NKX2-6: variants seen among roughly 807,000 people sequenced by gnomAD.
NKX2-6 encodes NK2 homeobox 6.
NKX2-6 carries 8 observed loss-of-function variants against 8.6 expected under a neutral mutation model. The ratio of observed to expected loss-of-function variants is 0.93; its 90% CI spans 0.54 to 1.67. The LOEUF (loss-of-function observed/expected upper bound fraction) is 1.67, where lower values mean the gene tolerates loss of function less well. Ranked by LOEUF, NKX2-6 falls within the 40% of genes most tolerant of loss-of-function variation. The pLI, the probability that NKX2-6 is intolerant of heterozygous loss-of-function variation, is 0.00. For missense variants in NKX2-6, 475 were observed against 423.1 expected, an observed-to-expected ratio of 1.12 and a Z score of -1.08; for synonymous variants, 210 against 199.3, an observed-to-expected ratio of 1.05 and a Z score of -0.45.
rs1777659306 is a variant in NKX2-6, at chr8:23,706,439, C to T, written c.160G>A (p.Glu54Lys). The change falls in exon 1 of 2, where the codon GAG becomes AAG. Residue 54 changes from glutamate to lysine, a missense_variant. Glu to Lys is a moderately conservative substitution (Grantham distance 56). Coordinates refer to ENST00000325017, the MANE Select transcript of NKX2-6 (RefSeq NM_001136271.3). ...CCGCCGCCACCAGCGTTGTGAACCT[C>T]TGACCCTCGCGGCTCTGCGTCCATT... Reference protein sequence around the residue: ...LRMDAEPRGSEVHNAGGGGGD... With the variant: ...LRMDAEPRGSKVHNAGGGGGD... The T allele has an allele frequency of 5.8e-6, 9 of 1,548,986 alleles. No individual in the cohort carries two copies. Among genetic ancestry groups the T allele is most frequent in the Non-Finnish European group, 7.8e-6 (9 of 1,147,016 alleles).
At chr8:23,703,653 GC>G (rs1801044681) in intron 1 of NKX2-6, among the ~76,000 whole-genome samples, 1 of 151,950 alleles carries the variant, frequency 6.6e-6, no homozygotes, top group African/African-American at 2.4e-5. Context: ...CCGAGATCGT[GC>G]CACTGCACTC....
At position 23,701,842 on chromosome 8, in the gene NKX2-6, G is replaced by A. The variant is rs988830975; in HGVS notation, c.*609C>T. ...AGAGCCTACTTCCAGGAGAGCAGTC[G>A]TGGCCAGAAAAGAGTGCTCCTCTGG... On this transcript the variant is annotated 3_prime_UTR_variant, in exon 2 of 2. Coordinates refer to ENST00000325017, the MANE Select transcript of NKX2-6 (RefSeq NM_001136271.3). Among the ~76,000 whole-genome samples the A allele has an allele frequency of 5.9e-5, 9 of 152,142 alleles. No individual in the cohort carries two copies. The South Asian group carries it at 1.5e-3, about 25-fold the overall frequency.
chr8:23,702,445 G>A lies in NKX2-6; in HGVS notation c.*6C>T. ...GCCCTGGTTGGCAGAGTCAAGCCGA[G>A]GAGCCTCACCAGGCCCTGACACCCT... On this transcript the variant is annotated 3_prime_UTR_variant, in exon 2 of 2. Coordinates refer to ENST00000325017, the MANE Select transcript of NKX2-6 (RefSeq NM_001136271.3). 1 of 1,446,674 alleles carries A rather than the reference G, an allele frequency of 6.9e-7. No homozygotes were observed. Among genetic ancestry groups the A allele is most frequent in the Non-Finnish European group, 9.1e-7 (1 of 1,099,740 alleles). The allele number at this position is 1,446,674 out of a possible 1,614,324, so 89.6% of individuals were successfully genotyped here. A position where few individuals can be genotyped will look rare whatever the true frequency, so the allele number is the denominator to read the frequency against.
In NKX2-6 at chr8:23,706,335, C is replaced by G. The variant is rs560537458; in HGVS notation, c.264G>C (p.Met88Ile). The change falls in exon 1 of 2, where the codon ATG becomes ATC. Residue 88 changes from methionine (M) to isoleucine (I), a missense_variant. By Grantham distance (10) the Met-to-Ile change is conservative (BLOSUM62 1). Transcript: ENST00000325017. ...EAVLEMDAER[M>I]GEPQPGLNAA... ...TGAGCGCTTACTCACGTGGCTCCCC[C>G]ATCCGTTCCGCGTCCATCTCCAAGA... The G allele has an allele frequency of 2.1e-5, 33 of 1,549,492 alleles. No homozygotes were observed. The South Asian group carries it at 3.6e-4, about 17-fold the overall frequency.
Position 23,702,132 on chromosome 8 carries a change from G to C in NKX2-6, c.*319C>G, listed in dbSNP as rs957340951. ...GATGCAAGAGCCTCTCGGGCCTCTG[G>C]GGTTGAAGCCCCAAAAGTCACGCGC... On this transcript the variant is annotated 3_prime_UTR_variant, in exon 2 of 2. Transcript: ENST00000325017. Among the ~76,000 whole-genome samples, 1 of 152,156 alleles carries C rather than the reference G, an allele frequency of 6.6e-6. No individual in the cohort carries two copies. The highest frequency in any genetic ancestry group is 2.4e-5 in the African/African-American group (1 of 41,432).
chr8:23,703,650 C>T (rs1801044535), intron 1 of NKX2-6, among the ~76,000 whole-genome samples: 1 of 151,976 alleles, frequency 6.6e-6, no homozygotes, highest in African/African-American at 2.4e-5. Flanking sequence ...GAGCCGAGAT[C>T]GTGCCACTGC....
chr8:23,706,283 C>G, intron 1 of NKX2-6, 42 bp downstream of exon 1: 5 of 1,490,148 alleles, frequency 3.4e-6, no homozygotes, highest in Non-Finnish European at 4.5e-6. Context: ...CCCCCGCCCC[C>G]ACATTCCCCC....
rs749305533 is a variant in NKX2-6 at position 23,702,938 on chromosome 8, G to A, written c.419C>T (p.Ser140Leu). 2 of 1,549,438 alleles carry A rather than the reference G, an allele frequency of 1.3e-6. No homozygotes were observed. Among genetic ancestry groups the A allele is most frequent in the Admixed American group, 2.0e-5 (1 of 50,936 alleles). Residue 140 changes from serine (S) to leucine (L), a missense_variant, in exon 2 of 2, where the codon TCG becomes TTG. Ser to Leu is a moderately radical substitution (Grantham distance 145). Coordinates refer to ENST00000325017, the MANE Select transcript of NKX2-6 (RefSeq NM_001136271.3). ...CTCCAGGGCCAGCACCTGCGCCTGC[G>A]AAAAGAGCACGCGCGGCTTCCGTCG... The part of the protein sequence containing the change: ...RQRRKPRVLF[S>L]QAQVLALERR...
At chr8:23,705,568 A>G (rs961939210) in intron 1 of NKX2-6, among the ~76,000 whole-genome samples, 2 of 152,192 alleles carry the variant, frequency 1.3e-5, no homozygotes, top group Non-Finnish European at 2.9e-5. Context: ...ACTCCCCGCC[A>G]GCCCCTTCCC....
In NKX2-6 at chr8:23,702,990, G is replaced by C. The variant is rs1451266541; in HGVS notation, c.367C>G (p.Arg123Gly). 9 of 1,542,016 alleles carry C rather than the reference G, an allele frequency of 5.8e-6. No individual in the cohort carries two copies. The highest frequency in any genetic ancestry group is 1.4e-5 in the African/African-American group (1 of 72,854). Reference sequence around the variant, plus strand: ...TGCCGCGCCTTGGGCTGCTCCGAGCGGCCACCCCGCACGCTGTCGCCGCTG... The same window carrying C: ...TGCCGCGCCTTGGGCTGCTCCGAGCCGCCACCCCGCACGCTGTCGCCGCTG... The part of the protein sequence containing the change: ...GNSGDSVRGG[R>G]SEQPKARQRR... The change falls in exon 2 of 2, where the codon CGC becomes GGC. Residue 123 changes from arginine (R) to glycine (G), a missense_variant. By Grantham distance (125) the Arg-to-Gly change is moderately radical. Coordinates refer to ENST00000325017, the MANE Select transcript of NKX2-6 (RefSeq NM_001136271.3).
Position 23,701,900 on chromosome 8 carries a change from G to A in NKX2-6, c.*551C>T, listed in dbSNP as rs929869363. ...GAGTCCCCTGGGGCGCGGCCTTATG[G>A]GGATGTTTAAGTCCCAAAGGAAGAG... On this transcript the variant is annotated 3_prime_UTR_variant, in exon 2 of 2. Transcript: ENST00000325017. 1.5e-4 allele frequency among the ~76,000 whole-genome samples: 23 copies of A among 152,144 alleles called. No individual in the cohort carries two copies. Among genetic ancestry groups the A allele is most frequent in the African/African-American group, 5.3e-4 (22 of 41,418 alleles).
chr8:23,702,911 C>G lies in NKX2-6; in HGVS notation c.446G>C (p.Arg149Pro). 1 of 1,552,128 alleles carries G rather than the reference C, an allele frequency of 6.4e-7. No individual in the cohort carries two copies. The highest frequency in any genetic ancestry group is 8.7e-7 in the Non-Finnish European group (1 of 1,147,546). The change falls in exon 2 of 2, where the codon CGG becomes CCG. Residue 149 changes from arginine (R) to proline (P), a missense_variant. Physicochemically the swap from Arg to Pro is moderately radical, Grantham distance 103. Transcript: ENST00000325017. The part of the protein sequence containing the change: ...FSQAQVLALE[R>P]RFKQQRYLSA... ...CAGGTACCGCTGCTGCTTGAAGCGC[C>G]GCTCCAGGGCCAGCACCTGCGCCTG...
In NKX2-6 at chr8:23,702,832, C is replaced by T. The variant is rs1337020400; in HGVS notation, c.525G>A (p.Gln175=). ...GTCGGTTCTGGAACCAGATCTTGAC[C>T]TGCGTGGACGTGAGCTGCAGCGCGC... ...LASALQLTST[Q]VKIWFQNRRY... Residue 175 remains glutamine, a synonymous_variant, in exon 2 of 2, where the codon CAG becomes CAA. Transcript: ENST00000325017. 2 of 1,573,210 alleles carry T rather than the reference C, an allele frequency of 1.3e-6. No individual in the cohort carries two copies. The highest frequency in any genetic ancestry group is 2.3e-5 in the East Asian group (1 of 42,978).
intron 1 of NKX2-6, 67 bp from the exon 2 acceptor site, chr8:23,703,149 T>C (rs966455343): frequency 2.0e-5 from 30 of 1,476,358 alleles, no homozygotes; most frequent in Non-Finnish European, 2.7e-5. Context: ...CCTACTTAGT[T>C]TTCAAGACTT....
In NKX2-6 at chr8:23,702,661, G is replaced by T. The variant is rs1801023184; in HGVS notation, c.696C>A (p.Ser232Arg). ...AGGGCGACACTGCTGCACTGTAGGG[G>T]CTGGGGAAGGCAGGTGCGCCGGGCC... is the stretch of plus-strand genomic sequence containing the variant. ...GPGPGAPAFP[S>R]PYSAAVSPYS... is the part of the protein sequence containing the mutation. The change falls in exon 2 of 2, where the codon AGC becomes AGA. Residue 232 changes from serine (S) to arginine (R), a missense_variant. Transcript: ENST00000325017. 1.3e-6 allele frequency: 2 copies of T among 1,550,678 alleles called. No homozygotes were observed. The highest frequency in any genetic ancestry group is 1.7e-6 in the Non-Finnish European group (2 of 1,146,558).
Position 23,702,654 on chromosome 8 carries a change from T to C in NKX2-6, c.703A>G (p.Ser235Gly), listed in dbSNP as rs1187517219. 4.5e-6 allele frequency: 7 copies of C among 1,550,458 alleles called. No homozygotes were observed. Among genetic ancestry groups the C allele is most frequent in the Non-Finnish European group, 5.2e-6 (6 of 1,146,510 alleles). ...CAAGAGTAGGGCGACACTGCTGCAC[T>C]GTAGGGGCTGGGGAAGGCAGGTGCG... ...PGAPAFPSPY[S>G]AAVSPYSCYG... is the part of the protein sequence containing the mutation. The change falls in exon 2 of 2, where the codon AGT (serine) becomes GGT (glycine). Residue 235 changes from serine (S) to glycine (G), a missense_variant. Ser to Gly is a moderately conservative substitution (Grantham distance 56). Transcript: ENST00000325017.
rs61740725 is a variant in NKX2-6, at chr8:23,703,059, G to A, written c.298C>T (p.Pro100Ser). 1.9e-6 allele frequency: 3 copies of A among 1,540,106 alleles called. No homozygotes were observed. Among genetic ancestry groups the A allele is most frequent in the African/African-American group, 1.4e-5 (1 of 72,882 alleles). ...GGCACCCTGGTCCCGCCGCCGAGGG[G>A]CGAGGCCGCGTTCAGGCCGGGCTCT... ...EPQPGLNAAS[P>S]LGGGTRVPER... Residue 100 changes from proline to serine, a missense_variant, in exon 2 of 2, where the codon CCC becomes TCC. Transcript: ENST00000325017.
rs1801097860 is a variant in NKX2-6, at chr8:23,706,655, C to A, written c.-57G>T. 2 of 1,475,310 alleles carry A rather than the reference C, an allele frequency of 1.4e-6. No individual in the cohort carries two copies. The highest frequency in any genetic ancestry group is 1.8e-6 in the Non-Finnish European group (2 of 1,109,680). The allele number at this position is 1,475,310 out of a possible 1,614,324, so 91.4% of individuals were successfully genotyped here. A position where few individuals can be genotyped will look rare whatever the true frequency, so the allele number is the denominator to read the frequency against. The stretch of plus-strand genomic sequence containing the variant: ...TCCGGGTGAGGAGCGGCACCCTGAA[C>A]TTCCCGTCTTGTCGCTGCAGGCCCC... On this transcript the variant is annotated 5_prime_UTR_variant, in exon 1 of 2. Transcript: ENST00000325017.
rs5890125 is a variant in NKX2-6 at position 23,701,827 on chromosome 8, TC to T, written c.*623del. ...AAGGGACCAGAATGTAGAGCCTACT[TC>T]CAGGAGAGCAGTCGTGGCCAGAAAA... On this transcript the variant is annotated 3_prime_UTR_variant, in exon 2 of 2. Transcript: ENST00000325017. 4.0e-3 allele frequency among the ~76,000 whole-genome samples: 602 copies of T among 152,258 alleles called. 2 individuals carry two copies. Among genetic ancestry groups the T allele is most frequent in the African/African-American group, 0.013 (558 of 41,540 alleles).
Sources: gnomAD v4.1 joint callset for allele counts (sites outside exome capture counted in the v4.1 genomes callset) on GRCh38, gnomAD v4.1.1 for gene constraint, MANE v1.5 for transcripts, NCBI Gene and HGNC (gene_info 2026-07-23, HGNC 2026-07-21) for gene names.